Variants in DAPK1 observed in about 807,000 individuals in gnomAD.
The protein encoded by DAPK1 is death-associated protein kinase 1.
DAPK1 carries 56 observed loss-of-function variants against 144.9 expected under a neutral mutation model. The observed-to-expected ratio is 0.39, with a 90% CI of 0.31 to 0.48. The LOEUF (loss-of-function observed/expected upper bound fraction) is 0.48, where lower values mean the gene tolerates loss of function less well. Ranked by LOEUF, DAPK1 falls within the 20% of genes least tolerant of loss-of-function variation. The pLI is 0.95. For synonymous variants in DAPK1, 690 were observed against 749.0 expected (o/e 0.92, Z 1.29); for missense variants, 1,454 against 1,875.4 (o/e 0.78, Z 4.15).
intron 3 of DAPK1, among the ~76,000 whole-genome samples, chr9:87,607,111 G>T (rs1386828251): frequency 6.6e-6 from 1 of 152,046 alleles, no homozygotes; most frequent in Non-Finnish European, 1.5e-5. Context: ...AGCTTTAAGG[G>T]GCCAGGAGAT....
intron 2 of DAPK1, among the ~76,000 whole-genome samples, chr9:87,503,409 G>GC (rs1354636086): frequency 6.6e-6 from 1 of 152,034 alleles, no homozygotes; most frequent in Non-Finnish European, 1.5e-5. Context: ...AGATTATAGG[G>GC]CAGAGACACT....
chr9:87,681,712 T>G, intron 20 of DAPK1, 86 bp downstream of exon 20: 1 of 765,320 alleles, frequency 1.3e-6, no homozygotes, highest in Non-Finnish European at 2.3e-6. Flanking sequence ...GGAAGGGAGT[T>G]GTGTTTGGGT....
At chr9:87,666,951 C>A (rs1831082086) in intron 18 of DAPK1, among the ~76,000 whole-genome samples, 1 of 152,200 alleles carries the variant, frequency 6.6e-6, no homozygotes, top group African/African-American at 2.4e-5. Flanking sequence ...CAGATTTCTT[C>A]TAACTAGGGC....
At position 87,703,183 on chromosome 9, in the gene DAPK1, G is replaced by A. The variant is rs1364127199; in HGVS notation, c.3026G>A (p.Arg1009Lys). The A allele has an allele frequency of 5.6e-6, 9 of 1,612,762 alleles. No individual in the cohort carries two copies. The highest frequency in any genetic ancestry group is 7.6e-6 in the Non-Finnish European group (9 of 1,178,802). ...CCCCTGGCCAGCGAGGAGGACCTCA[G>A]GCGCATTGCTCAGCAGCTCCACAGC... ...LNPLASEEDLRRIAQQLHSTG... is the reference protein window; with the variant it reads ...LNPLASEEDLKRIAQQLHSTG... Residue 1009 changes from arginine (R) to lysine (K), a missense_variant, in exon 25 of 26, where the codon AGG becomes AAG. By Grantham distance (26) the Arg-to-Lys change is conservative. Transcript: ENST00000408954.
intron 3 of DAPK1, among the ~76,000 whole-genome samples, chr9:87,636,017 T>C (rs928345357): frequency 2.0e-4 from 31 of 152,302 alleles, no homozygotes; most frequent in Admixed American, 4.6e-4. Flanking sequence ...TCTCTCCCCG[T>C]TGTTTGTTTT....
Position 87,528,431 on chromosome 9 carries a change from T to G in DAPK1, c.62+29292T>G, listed in dbSNP as rs544412592. On this transcript the variant is annotated intron_variant, in intron 2 of 25. Coordinates refer to ENST00000408954, the MANE Select transcript of DAPK1 (RefSeq NM_004938.4). ...TGGGGTTTCGCCACGTTGGCCAGGC[T>G]GGTCTCGAGCTCCTGACCTCAGGTG... is the stretch of plus-strand genomic sequence containing the variant. 2.0e-5 allele frequency among the ~76,000 whole-genome samples: 3 copies of G among 152,198 alleles called. No individual in the cohort carries two copies. In the South Asian group the frequency reaches 6.2e-4, roughly 32 times the overall value.
Position 87,562,691 on chromosome 9 carries a change from G to A in DAPK1, c.63-42263G>A, listed in dbSNP as rs960284166. On this transcript the variant is annotated intron_variant, in intron 2 of 25. Transcript: ENST00000408954. ...CCTGAAAGAAGTTGAGATTGTCCAT[G>A]TAACCACCTGACATACTGTTTTGCT... Among the ~76,000 whole-genome samples, 11 of 152,232 alleles carry A rather than the reference G, an allele frequency of 7.2e-5. No homozygotes were observed. In the East Asian group the frequency reaches 2.1e-3, roughly 29 times the overall value.
chr9:87,587,694 G>C (rs922251738), intron 2 of DAPK1, among the ~76,000 whole-genome samples: 2 of 152,234 alleles, frequency 1.3e-5, no homozygotes, highest in Non-Finnish European at 2.9e-5. Flanking sequence ...AGCGTAATCA[G>C]TTTTAAGTGA....
intron 3 of DAPK1, among the ~76,000 whole-genome samples, chr9:87,635,653 C>T (rs1044039132): frequency 6.6e-6 from 1 of 152,182 alleles, no homozygotes; most frequent in East Asian, 1.9e-4. Context: ...TTCCCGCAAG[C>T]TGGACCTTAC....
intron 2 of DAPK1, among the ~76,000 whole-genome samples, chr9:87,603,183 T>G (rs1201064212): frequency 6.6e-6 from 1 of 152,134 alleles, no homozygotes; most frequent in East Asian, 1.9e-4. Context: ...GGGCCTGGAC[T>G]CTAAAGGAAG....
At chr9:87,604,884 C>G (rs1382465429) in intron 2 of DAPK1, 70 bp from the exon 3 acceptor site, 2 of 1,435,504 alleles carry the variant, frequency 1.4e-6, no homozygotes, top group Admixed American at 1.8e-5. Flanking sequence ...CCCTCTGCAC[C>G]ATGCCACATC....
At chr9:87,537,299 C>G (rs1825892669) in intron 2 of DAPK1, among the ~76,000 whole-genome samples, 1 of 152,058 alleles carries the variant, frequency 6.6e-6, no homozygotes, top group Non-Finnish European at 1.5e-5. Context: ...ATGAGGTTTT[C>G]ATGTGTTTTG....
intron 19 of DAPK1, among the ~76,000 whole-genome samples, chr9:87,672,494 T>C (rs948196590): frequency 2.6e-5 from 4 of 152,162 alleles, no homozygotes; most frequent in Non-Finnish European, 4.4e-5. Context: ...CCACACTGGC[T>C]GCTGTACCTG....
chr9:87,497,297 A>AAT (rs1431420013), upstream of DAPK1: 1 of 152,302 alleles, frequency 6.6e-6, no homozygotes, highest in African/African-American at 2.4e-5. Context: ...AACCCAGTCT[A>AAT]ATGAGGTACG....
chr9:87,522,835 T>G lies in DAPK1; in HGVS notation c.62+23696T>G, dbSNP rs7852338. Among the ~76,000 whole-genome samples the G allele has an allele frequency of 6.7e-3, 1,023 of 152,354 alleles. 14 individuals carry two copies. The highest frequency in any genetic ancestry group is 0.023 in the African/African-American group (973 of 41,572). On this transcript the variant is annotated intron_variant, in intron 2 of 25. Transcript: ENST00000408954. ...TTGATAAGTGTAGTTTCATCAATTT[T>G]TAAGTATGAATAAGTGTAAGCATGT...
At chr9:87,554,058 AAAAAT>A (rs1826605690) in intron 2 of DAPK1, 1 of 139,722 alleles carries the variant, frequency 7.2e-6, no homozygotes, top group African/African-American at 2.7e-5. Flanking sequence ...CCCTTTTCAG[AAAAAT>A]GCTCTCAAAT....
intron 2 of DAPK1, among the ~76,000 whole-genome samples, chr9:87,571,864 T>C (rs1827374944): frequency 6.6e-6 from 1 of 152,224 alleles, no homozygotes; most frequent in African/African-American, 2.4e-5. Flanking sequence ...TCTCTCCTTC[T>C]GAGGGGCTAA....
chr9:87,499,646 C>T (rs982707788), intron 2 of DAPK1, among the ~76,000 whole-genome samples: 6 of 152,182 alleles, frequency 3.9e-5, no homozygotes, highest in Non-Finnish European at 5.9e-5. Context: ...TTTGAAACTT[C>T]TTCCAACCAG....
At chr9:87,642,803 T>A (rs1256332085) in intron 10 of DAPK1, among the ~76,000 whole-genome samples, 2 of 152,188 alleles carry the variant, frequency 1.3e-5, no homozygotes, top group African/African-American at 2.4e-5. Flanking sequence ...AGGCTTAAAA[T>A]AGAGAGAGAG....
Sources: allele counts gnomAD v4.1 joint callset (sites outside exome capture counted in the v4.1 genomes callset), GRCh38; gene constraint gnomAD v4.1.1; transcripts MANE v1.5; gene names NCBI Gene and HGNC (gene_info 2026-07-23, HGNC 2026-07-21).